Variants in RAB3IP observed in about 807,000 individuals in gnomAD.
RAB3IP encodes RAB3A interacting protein.
Under a neutral mutation model 59.1 loss-of-function variants are expected in RAB3IP, and 36 were observed. That is an observed-to-expected ratio of 0.61 (90% CI 0.47 to 0.80). RAB3IP has a LOEUF of 0.80. RAB3IP is among the 30% of genes least tolerant of loss of function. The pLI is 0.00. For synonymous variants in RAB3IP, 207 were observed against 191.2 expected, an observed-to-expected ratio of 1.08 and a Z score of -0.68; for missense variants, 511 against 536.0, an observed-to-expected ratio of 0.95 and a Z score of 0.46.
chr12:69,759,361 A>G (rs12310136), intron 3 of RAB3IP, among the ~76,000 whole-genome samples: 22,852 of 151,872 alleles, frequency 0.15, 2,560 homozygotes, highest in East Asian at 0.4. Context: ...ACAGAACAAA[A>G]TGAAGTCTCC....
intron 3 of RAB3IP, among the ~76,000 whole-genome samples, chr12:69,769,371 A>T (rs1361467909): frequency 6.6e-6 from 1 of 152,194 alleles, no homozygotes; most frequent in Non-Finnish European, 1.5e-5. Context: ...GATTGGGAGA[A>T]ACAAAGTGCT....
At chr12:69,754,472 G>A (rs1463656747) in intron 1 of RAB3IP, among the ~76,000 whole-genome samples, 1 of 152,154 alleles carries the variant, frequency 6.6e-6, no homozygotes, top group Non-Finnish European at 1.5e-5. Context: ...TGACAGGTAT[G>A]AGAGAGTATG....
chr12:69,759,310 A>G (rs2136137473), intron 3 of RAB3IP, among the ~76,000 whole-genome samples: 1 of 151,888 alleles, frequency 6.6e-6, no homozygotes, highest in South Asian at 2.1e-4. Context: ...GGGTAAGGTC[A>G]TAGATCAACA....
chr12:69,784,659 A>G, intron 3 of RAB3IP, 61 bp from the exon 4 acceptor site: 1 of 866,660 alleles, frequency 1.2e-6, no homozygotes, highest in Non-Finnish European at 1.9e-6. Flanking sequence ...AAGATTATAT[A>G]GTCTGCTGAA....
rs1393251591 is a variant in RAB3IP, at chr12:69,738,911, G to T, written c.-146G>T. ...CGGCTGCCGGCGTAGTGAGCCCGCCGCCGTGGAGTGTAGCGGAAAGGGCTC... is the reference window on the plus strand; with the variant it reads ...CGGCTGCCGGCGTAGTGAGCCCGCCTCCGTGGAGTGTAGCGGAAAGGGCTC... On this transcript the variant is annotated 5_prime_UTR_variant, in exon 1 of 11. Coordinates refer to ENST00000247833, the MANE Select transcript of RAB3IP (RefSeq NM_022456.5). 6.6e-6 allele frequency: 1 copy of T among 152,052 alleles called. No individual in the cohort carries two copies. Among genetic ancestry groups the T allele is most frequent in the Non-Finnish European group, 1.5e-5 (1 of 68,000 alleles). 9.4% of individuals were successfully genotyped at this position (152,052 alleles called of 1,614,324 possible). A position where few individuals can be genotyped will look rare whatever the true frequency, so the allele number is the denominator to read the frequency against.
At chr12:69,792,012 A>G (rs1210980811) in intron 4 of RAB3IP, among the ~76,000 whole-genome samples, 1 of 152,222 alleles carries the variant, frequency 6.6e-6, no homozygotes, top group Non-Finnish European at 1.5e-5. Context: ...TTGCAACAAC[A>G]TGAGCGAACC....
rs374441014 is a variant in RAB3IP at position 69,772,254 on chromosome 12, C to A, written c.511-12466C>A. Among the ~76,000 whole-genome samples the A allele has an allele frequency of 1.3e-3, 203 of 152,118 alleles. 1 individual carries two copies. Among genetic ancestry groups the A allele is most frequent in the African/African-American group, 4.7e-3 (196 of 41,488 alleles). ...GCTACTCCTGCTTTCTCTTGTTTTT[C>A]AATTTGCATTGAATGTTTTCCCTTT... On this transcript the variant is annotated intron_variant, in intron 3 of 10. Coordinates refer to ENST00000247833, the MANE Select transcript of RAB3IP (RefSeq NM_022456.5).
At chr12:69,789,881 C>G (rs1223603205) in intron 4 of RAB3IP, among the ~76,000 whole-genome samples, 2 of 152,122 alleles carry the variant, frequency 1.3e-5, no homozygotes, top group Non-Finnish European at 2.9e-5. Context: ...CAAAATTCCA[C>G]ATTCATTTAT....
In RAB3IP at chr12:69,812,871, A is replaced by T. The variant is rs200974798; in HGVS notation, c.1224A>T (p.Arg408Ser). The change falls in exon 9 of 11, where the codon AGA (arginine) becomes AGT (serine). Residue 408 changes from arginine to serine, a missense_variant. Coordinates refer to ENST00000247833, the MANE Select transcript of RAB3IP (RefSeq NM_022456.5). ...SNYYYISPFC[R>S]YRITSVCNFF... ...ATTATTATATTTCTCCTTTTTGCAG[A>T]TACAGGGTAAGTGACTTAACCATGA... 6.2e-7 allele frequency: 1 copy of T among 1,610,080 alleles called. No homozygotes were observed. Among genetic ancestry groups the T allele is most frequent in the Non-Finnish European group, 8.5e-7 (1 of 1,176,308 alleles).
intron 3 of RAB3IP, among the ~76,000 whole-genome samples, chr12:69,765,343 G>A (rs896559013): frequency 6.6e-6 from 1 of 152,064 alleles, no homozygotes; most frequent in Non-Finnish European, 1.5e-5. Flanking sequence ...CGTTTTTATC[G>A]TGAAAGGATG....
intron 10 of RAB3IP, among the ~76,000 whole-genome samples, chr12:69,813,604 C>T (rs1565936079): frequency 6.6e-6 from 1 of 151,978 alleles, no homozygotes; most frequent in East Asian, 1.9e-4. Context: ...ATTTTTAATA[C>T]AATTTTATAG....
intron 8 of RAB3IP, among the ~76,000 whole-genome samples, chr12:69,804,596 G>A (rs534723908): frequency 7.9e-5 from 12 of 152,172 alleles, no homozygotes; most frequent in African/African-American, 1.9e-4. Flanking sequence ...ATGGTATTGC[G>A]TAGGTTTTCT....
chr12:69,811,049 G>A (rs973082239), intron 8 of RAB3IP, among the ~76,000 whole-genome samples: 1 of 152,168 alleles, frequency 6.6e-6, no homozygotes, highest in Non-Finnish European at 1.5e-5. Flanking sequence ...ATACTATACA[G>A]CCATAAAAAA....
chr12:69,781,549 C>A (rs937002600), intron 3 of RAB3IP, among the ~76,000 whole-genome samples: 1 of 152,190 alleles, frequency 6.6e-6, no homozygotes, highest in African/African-American at 2.4e-5. Flanking sequence ...TCCCTAAAAA[C>A]CCTGGCAACC....
chr12:69,760,083 G>A (rs1412554092), intron 3 of RAB3IP, among the ~76,000 whole-genome samples: 1 of 152,264 alleles, frequency 6.6e-6, no homozygotes, highest in East Asian at 1.9e-4. Flanking sequence ...ACTCCAGCCT[G>A]GGCAACATTG....
At chr12:69,790,215 G>T (rs1003358787) in intron 4 of RAB3IP, among the ~76,000 whole-genome samples, 2 of 152,180 alleles carry the variant, frequency 1.3e-5, no homozygotes, top group Middle Eastern at 3.2e-3. Flanking sequence ...GAATTTGATA[G>T]GGTTGCAGGA....
intron 6 of RAB3IP, chr12:69,796,534 T>C: frequency 2.0e-6 from 1 of 494,328 alleles, no homozygotes; most frequent in South Asian, 3.5e-5. Flanking sequence ...GAAATGTGTG[T>C]GCTTGTTAAA....
rs924437606 is a variant in RAB3IP at position 69,755,438 on chromosome 12, T to G, written c.30T>G (p.His10Gln). 10 of 1,614,120 alleles carry G rather than the reference T, an allele frequency of 6.2e-6. No homozygotes were observed. Among genetic ancestry groups the G allele is most frequent in the Admixed American group, 1.7e-5 (1 of 60,020 alleles). Residue 10 changes from histidine (H) to glutamine (Q), a missense_variant, in exon 2 of 11, where the codon CAT becomes CAG. Physicochemically the swap from His to Gln is conservative, Grantham distance 24 (BLOSUM62 0). Coordinates refer to ENST00000247833, the MANE Select transcript of RAB3IP (RefSeq NM_022456.5). ...CTAATGATCCCTTGGAAGGCTTCCA[T>G]GAAGTAAACCTTGCTTCACCTACTT... MANDPLEGF[H>Q]EVNLASPTSP... is the part of the protein sequence containing the mutation.
chr12:69,739,757 G>C, intron 1 of RAB3IP: 1 of 1,456,328 alleles, frequency 6.9e-7, no homozygotes, highest in Non-Finnish European at 9.6e-7. Flanking sequence ...TTGACAACTC[G>C]CCCCGACCGC....
Sources: gnomAD v4.1 joint callset for allele counts (sites outside exome capture counted in the v4.1 genomes callset) on GRCh38, gnomAD v4.1.1 for gene constraint, MANE v1.5 for transcripts, NCBI Gene and HGNC (gene_info 2026-07-23, HGNC 2026-07-21) for gene names.